COL4A4: variants seen among roughly 807,000 people sequenced by gnomAD.
COL4A4 encodes the protein collagen alpha-4(IV) chain.
A neutral mutation model predicts 192.9 loss-of-function variants in COL4A4; 105 were observed. The observed-to-expected ratio is 0.54, with a 90% confidence interval of 0.46 to 0.64. The LOEUF (loss-of-function observed/expected upper bound fraction) is 0.64, where lower values mean the gene tolerates loss of function less well. Among genes scored for constraint, COL4A4 ranks in the 30% least tolerant of loss-of-function variants. The pLI is 0.00. For missense variants in COL4A4, 1,967 were observed against 2,169.3 expected (o/e 0.91, Z 1.85); for synonymous variants, 762 against 769.9 (o/e 0.99, Z 0.17).
rs1209157731 is a variant in COL4A4 at position 227,033,483 on chromosome 2, TG to T, written c.3506-3del. On this transcript the variant is annotated splice_polypyrimidine_tract_variant and splice_region_variant and intron_variant, in intron 37 of 47. Transcript: ENST00000396625. ...TCAGGCCAGGTGATCCGGAGGGACC[TG>T]AAAAACACCACAGGCCTGTGACCCA... is the stretch of plus-strand genomic sequence containing the variant. The T allele has an allele frequency of 6.2e-7, 1 of 1,612,588 alleles. No individual in the cohort carries two copies. The highest frequency in any genetic ancestry group is 1.1e-5 in the South Asian group (1 of 91,032).
downstream of COL4A4, among the ~76,000 whole-genome samples, chr2:227,001,753 A>G (rs1559383040): frequency 6.6e-6 from 1 of 152,230 alleles, no homozygotes; most frequent in Non-Finnish European, 1.5e-5. Context: ...GGAAGCATAT[A>G]TAGCAGAGCC....
chr2:227,056,288 C>A (rs965613003), intron 29 of COL4A4, among the ~76,000 whole-genome samples, 173 bp from the exon 30 acceptor site: 5 of 152,102 alleles, frequency 3.3e-5, no homozygotes, highest in South Asian at 2.1e-4. Flanking sequence ...TTTCTAGATG[C>A]CATAAATAGA....
At position 227,108,815 on chromosome 2, in the gene COL4A4, T is replaced by G; in HGVS notation, c.693+18A>C. ...TTGTTCAGGGCTCTATTGATGTATCTTGCTCATGACTGCCTACCTTCAAAC... is the reference window on the plus strand; with the variant it reads ...TTGTTCAGGGCTCTATTGATGTATCGTGCTCATGACTGCCTACCTTCAAAC... On this transcript the variant is annotated intron_variant, in intron 11 of 47. Coordinates refer to ENST00000396625, the MANE Select transcript of COL4A4 (RefSeq NM_000092.5). The G allele has an allele frequency of 6.2e-7, 1 of 1,610,902 alleles. No homozygotes were observed. The highest frequency in any genetic ancestry group is 1.1e-5 in the South Asian group (1 of 90,504).
At chr2:227,143,743 C>A (rs1238195342) in intron 3 of COL4A4, among the ~76,000 whole-genome samples, 1 of 152,128 alleles carries the variant, frequency 6.6e-6, no homozygotes, top group East Asian at 1.9e-4. Context: ...CTCTCAAATG[C>A]ATGTCAACAA....
chr2:226,992,550 G>A, the COL4A4 span, among the ~76,000 whole-genome samples: 1 of 152,188 alleles, frequency 6.6e-6, no homozygotes, highest in East Asian at 1.9e-4. Context: ...GTTCTAGAAA[G>A]CCGAACCATG....
chr2:227,007,036 T>G lies in COL4A4; in HGVS notation c.*289A>C. The G allele has an allele frequency of 4.4e-6, 2 of 458,548 alleles. No individual in the cohort carries two copies. Among genetic ancestry groups the G allele is most frequent in the Admixed American group, 3.4e-5 (1 of 29,278 alleles). 28.4% of individuals were successfully genotyped at this position (458,548 alleles called of 1,614,324 possible). ...TGTAATCTGGCCTTTATCATCTACT[T>G]GCCTTTCTGAGAATTAGCATATTTT... On this transcript the variant is annotated 3_prime_UTR_variant, in exon 48 of 48. Coordinates refer to ENST00000396625, the MANE Select transcript of COL4A4 (RefSeq NM_000092.5).
rs912045008 is a variant in COL4A4, at chr2:227,043,109, G to A, written c.3365C>T (p.Pro1122Leu). Reference protein sequence around the residue: ...GPRGSPGRPGPPGSSGPPGCP... With the variant: ...GPRGSPGRPGLPGSSGPPGCP... ...CCCTGGTGGTCCAGAGGAGCCAGGT[G>A]GCCCTGGCCTTCCAGGTGATCCTCT... The change falls in exon 36 of 48, where the codon CCA (proline) becomes CTA (leucine). Residue 1122 changes from proline to leucine, a missense_variant. Transcript: ENST00000396625. 3 of 1,613,648 alleles carry A rather than the reference G, an allele frequency of 1.9e-6. No individual in the cohort carries two copies. The African/African-American group carries it at 4.0e-5, about 22-fold the overall frequency.
At chr2:227,058,646 T>C (rs1284186340) in intron 28 of COL4A4, among the ~76,000 whole-genome samples, 2 of 152,176 alleles carry the variant, frequency 1.3e-5, no homozygotes, top group Non-Finnish European at 2.9e-5. Flanking sequence ...AAACATCTGA[T>C]CTGTGGTTCA....
chr2:227,148,725 T>C (rs1328231734), intron 1 of COL4A4, among the ~76,000 whole-genome samples: 8 of 152,088 alleles, frequency 5.3e-5, no homozygotes, highest in Non-Finnish European at 1.2e-4. Flanking sequence ...ATAAAAGATA[T>C]ATTTGGCTCA....
Position 227,028,004 on chromosome 2 carries a change from C to T in COL4A4, c.3979G>A (p.Val1327Met), listed in dbSNP as rs2229813. ...CDGKDGQKGP[V>M]GFPGPQGPHG... ...GGTCCCTGCGGTCCCGGGAATCCCA[C>T]TGGTCCTTAAAAAAAAACAAAACAT... is the stretch of plus-strand genomic sequence containing the variant. Residue 1327 changes from valine (V) to methionine (M), a missense_variant, in exon 42 of 48, where the codon GTG becomes ATG. Coordinates refer to ENST00000396625, the MANE Select transcript of COL4A4 (RefSeq NM_000092.5). 0.44 allele frequency: 705,405 copies of T among 1,595,282 alleles called. 158,911 individuals carry two copies. The highest frequency in any genetic ancestry group is 0.56 in the South Asian group (50,110 of 90,012).
chr2:227,124,208 C>T (rs1353078718), intron 4 of COL4A4, among the ~76,000 whole-genome samples: 2 of 152,284 alleles, frequency 1.3e-5, no homozygotes, highest in Non-Finnish European at 2.9e-5. Flanking sequence ...ATAAAAGAAA[C>T]TGCATGTCTC....
chr2:227,157,489 C>T (rs928857566), intron 1 of COL4A4, among the ~76,000 whole-genome samples: 4 of 151,836 alleles, frequency 2.6e-5, no homozygotes, highest in African/African-American at 7.2e-5. Flanking sequence ...AGAGAAAAAT[C>T]AATGAAACCC....
the COL4A4 span, among the ~76,000 whole-genome samples, chr2:226,970,039 G>C: frequency 7.6e-6 from 1 of 131,950 alleles, no homozygotes; most frequent in Non-Finnish European, 1.5e-5. Flanking sequence ...TTTTAACCTG[G>C]TCACATCGTC....
At position 227,147,539 on chromosome 2, in the gene COL4A4, T is replaced by A. The variant is rs771447236; in HGVS notation, c.-56A>T. ...TCTGCCAGTCTTCTCTTCCAGAAGG[T>A]TCTTGTTGACAAGTGAGGTTCTGTG... is the stretch of plus-strand genomic sequence containing the variant. On this transcript the variant is annotated 5_prime_UTR_variant, in exon 2 of 48. Coordinates refer to ENST00000396625, the MANE Select transcript of COL4A4 (RefSeq NM_000092.5). 6.6e-7 allele frequency: 1 copy of A among 1,525,796 alleles called. No homozygotes were observed. The highest frequency in any genetic ancestry group is 9.1e-7 in the Non-Finnish European group (1 of 1,103,124). 94.5% of individuals were successfully genotyped at this position (1,525,796 alleles called of 1,614,324 possible). A position where few individuals can be genotyped will look rare whatever the true frequency, so the allele number is the denominator to read the frequency against.
intron 41 of COL4A4, among the ~76,000 whole-genome samples, chr2:227,028,411 C>T (rs550069263): frequency 1.3e-5 from 2 of 152,242 alleles, no homozygotes; most frequent in African/African-American, 4.8e-5. Context: ...CACAACAGTT[C>T]AGTTCCTCAT....
chr2:227,122,570 T>C (rs1331853648), intron 4 of COL4A4, among the ~76,000 whole-genome samples: 4 of 152,176 alleles, frequency 2.6e-5, no homozygotes, highest in African/African-American at 9.7e-5. Flanking sequence ...ATATAAAAAC[T>C]GGAGTCACCC....
At position 227,055,933 on chromosome 2, in the gene COL4A4, A is replaced by T. The variant is rs1032297297; in HGVS notation, c.2716+12T>A. 1.1e-5 allele frequency: 17 copies of T among 1,610,258 alleles called. No individual in the cohort carries two copies. Among genetic ancestry groups the T allele is most frequent in the Non-Finnish European group, 1.4e-5 (16 of 1,178,318 alleles). On this transcript the variant is annotated intron_variant, in intron 30 of 47. Coordinates refer to ENST00000396625, the MANE Select transcript of COL4A4 (RefSeq NM_000092.5). ...TAAGATGGGAGGACATCATGGAAAAAGCACTACCTACCCTTTGGACCTGGA... is the reference window on the plus strand; with the variant it reads ...TAAGATGGGAGGACATCATGGAAAATGCACTACCTACCCTTTGGACCTGGA...
intron 34 of COL4A4, among the ~76,000 whole-genome samples, chr2:227,048,011 C>T (rs1484697352): frequency 1.3e-5 from 2 of 152,136 alleles, no homozygotes; most frequent in Admixed American, 1.3e-4. Context: ...CAAAGGCATA[C>T]TGCATTGATG....
At chr2:227,156,719 C>T (rs2125508102) in intron 1 of COL4A4, among the ~76,000 whole-genome samples, 1 of 152,152 alleles carries the variant, frequency 6.6e-6, no homozygotes, top group East Asian at 1.9e-4. Context: ...GATATATTAA[C>T]AGCACATAAA....
Sources: allele counts gnomAD v4.1 joint callset (sites outside exome capture counted in the v4.1 genomes callset), GRCh38; gene constraint gnomAD v4.1.1; transcripts MANE v1.5; gene names NCBI Gene and HGNC (gene_info 2026-07-23, HGNC 2026-07-21).